RAB11FIP2: variants seen among roughly 807,000 people sequenced by gnomAD.
RAB11FIP2 encodes RAB11 family interacting protein 2.
A neutral mutation model predicts 40.9 loss-of-function variants in RAB11FIP2; 16 were observed. That is an observed-to-expected ratio of 0.39 (90% CI 0.26 to 0.59). The LOEUF (loss-of-function observed/expected upper bound fraction) is 0.59. Ranked by LOEUF, RAB11FIP2 falls within the 20% of genes least tolerant of loss-of-function variation. The pLI is 0.53. For synonymous variants in RAB11FIP2, 228 were observed against 213.7 expected, an observed-to-expected ratio of 1.07 and a Z score of -0.58; for missense variants, 532 against 606.2, an observed-to-expected ratio of 0.88 and a Z score of 1.28.
intron 3 of RAB11FIP2, among the ~76,000 whole-genome samples, chr10:118,020,513 T>C (rs542281645): frequency 1.2e-3 from 178 of 152,290 alleles, no homozygotes; most frequent in Non-Finnish European, 1.9e-3. Context: ...ACTGGCTTAT[T>C]ATGTTCTGCC....
chr10:118,027,506 T>C (rs1434091179), intron 3 of RAB11FIP2, among the ~76,000 whole-genome samples: 1 of 152,220 alleles, frequency 6.6e-6, no homozygotes, highest in Non-Finnish European at 1.5e-5. Context: ...AAATGCATTG[T>C]ATACTTCTAG....
At position 118,045,870 on chromosome 10, in the gene RAB11FIP2, T is replaced by A; in HGVS notation, c.294A>T (p.Leu98Phe). Reference protein sequence around the residue: ...HRSLVGLDKFLGQVAINLNDI... With the variant: ...HRSLVGLDKFFGQVAINLNDI... ...CATTGAGATTGATTGCCACCTGCCC[T>A]AAAAATTTATCCAGACCCACCAGGG... is the stretch of plus-strand genomic sequence containing the variant. The change falls in exon 1 of 5, where the codon TTA (leucine) becomes TTT (phenylalanine). Residue 98 changes from leucine (L) to phenylalanine (F), a missense_variant. By Grantham distance (22) the Leu-to-Phe change is conservative (BLOSUM62 0). Coordinates refer to ENST00000355624, the MANE Select transcript of RAB11FIP2 (RefSeq NM_014904.3). 6.2e-7 allele frequency: 1 copy of A among 1,614,054 alleles called. No homozygotes were observed. The highest frequency in any genetic ancestry group is 8.5e-7 in the Non-Finnish European group (1 of 1,179,964).
chr10:118,040,938 A>G (rs1846550784), intron 1 of RAB11FIP2, among the ~76,000 whole-genome samples: 2 of 152,108 alleles, frequency 1.3e-5, no homozygotes, highest in Non-Finnish European at 2.9e-5. Flanking sequence ...TTAACATTAA[A>G]AGACATTGAG....
chr10:118,026,680 T>C (rs1025956911), intron 3 of RAB11FIP2, among the ~76,000 whole-genome samples: 1 of 152,228 alleles, frequency 6.6e-6, no homozygotes, highest in Non-Finnish European at 1.5e-5. Context: ...ATTGTCACCA[T>C]GCCTTAATGG....
Position 118,046,248 on chromosome 10 carries a change from C to T in RAB11FIP2, c.-85G>A. The stretch of plus-strand genomic sequence containing the variant: ...GAGCCTAATTCCTTAATCACTGCAT[C>T]CTAAGGACACTTAACGGAAACAGGC... On this transcript the variant is annotated 5_prime_UTR_variant, in exon 1 of 5. Transcript: ENST00000355624. The T allele has an allele frequency of 8.9e-7, 1 of 1,128,610 alleles. No homozygotes were observed. Among genetic ancestry groups the T allele is most frequent in the Non-Finnish European group, 1.3e-6 (1 of 773,706 alleles). The allele number at this position is 1,128,610 out of a possible 1,614,324, so 69.9% of individuals were successfully genotyped here.
At chr10:118,027,301 C>T (rs180913742) in intron 3 of RAB11FIP2, among the ~76,000 whole-genome samples, 5 of 152,302 alleles carry the variant, frequency 3.3e-5, no homozygotes, top group Admixed American at 2.6e-4. Context: ...ACTCTTAATA[C>T]TTATCCTATA....
chr10:118,033,650 G>T (rs1846445720), intron 3 of RAB11FIP2, among the ~76,000 whole-genome samples: 3 of 152,080 alleles, frequency 2.0e-5, no homozygotes, highest in Non-Finnish European at 2.9e-5. Flanking sequence ...AGAACAGGTT[G>T]GTGAGGAACA....
chr10:118,009,840 A>C (rs893818831), intron 4 of RAB11FIP2, among the ~76,000 whole-genome samples: 1 of 152,038 alleles, frequency 6.6e-6, no homozygotes, highest in Non-Finnish European at 1.5e-5. Context: ...TAACTGGTCT[A>C]TTTCTTTCTC....
At chr10:118,024,803 C>T (rs1181233465) in intron 3 of RAB11FIP2, among the ~76,000 whole-genome samples, 4 of 152,076 alleles carry the variant, frequency 2.6e-5, no homozygotes, top group Non-Finnish European at 5.9e-5. Context: ...CTGTGTGGGC[C>T]TATGACAAAG....
intron 3 of RAB11FIP2, among the ~76,000 whole-genome samples, chr10:118,036,162 G>C (rs1001127533): frequency 6.6e-6 from 1 of 152,038 alleles, no homozygotes; most frequent in Non-Finnish European, 1.5e-5. Flanking sequence ...TTCAACCAGA[G>C]GGTAACAATA....
chr10:118,015,982 G>A (rs1846214980), intron 3 of RAB11FIP2, among the ~76,000 whole-genome samples: 1 of 152,218 alleles, frequency 6.6e-6, no homozygotes, highest in African/African-American at 2.4e-5. Flanking sequence ...TCCCTTGCCA[G>A]TAAAATAACT....
intron 3 of RAB11FIP2, among the ~76,000 whole-genome samples, chr10:118,033,265 C>T (rs1487309337): frequency 2.0e-5 from 3 of 151,906 alleles, no homozygotes; most frequent in Non-Finnish European, 4.4e-5. Context: ...GGCCTACTCA[C>T]TAAAGATTCT....
At chr10:118,033,219 A>G (rs1056655143) in intron 3 of RAB11FIP2, among the ~76,000 whole-genome samples, 1 of 152,052 alleles carries the variant, frequency 6.6e-6, no homozygotes, top group Non-Finnish European at 1.5e-5. Flanking sequence ...CCCGATAGTC[A>G]ATGGGAAGTT....
At chr10:118,035,394 CAAT>C (rs1846468213) in intron 3 of RAB11FIP2, among the ~76,000 whole-genome samples, 1 of 152,056 alleles carries the variant, frequency 6.6e-6, no homozygotes, top group African/African-American at 2.4e-5. Flanking sequence ...AGATTTTTAA[CAAT>C]GTTTAGTTGT....
At chr10:118,025,506 C>T (rs1589642778) in intron 3 of RAB11FIP2, among the ~76,000 whole-genome samples, 1 of 152,168 alleles carries the variant, frequency 6.6e-6, no homozygotes, top group East Asian at 1.9e-4. Flanking sequence ...TTTCTGAGTT[C>T]ATGTGCACCT....
chr10:118,028,246 C>G (rs1846369358), intron 3 of RAB11FIP2, among the ~76,000 whole-genome samples: 3 of 151,610 alleles, frequency 2.0e-5, no homozygotes, highest in Admixed American at 2.0e-4. Flanking sequence ...TCCAAGATTT[C>G]TAAGCTTAAA....
In RAB11FIP2 at chr10:118,026,476, C is replaced by T. The variant is rs573452438; in HGVS notation, c.1266-11366G>A. Among the ~76,000 whole-genome samples the T allele has an allele frequency of 3.6e-4, 55 of 152,236 alleles. No homozygotes were observed. In the South Asian group the frequency reaches 6.0e-3, roughly 17 times the overall value. The stretch of plus-strand genomic sequence containing the variant: ...CTGCTCTGACACAGAAATAAAAGAG[C>T]CAACCTCCGAATCTTGGTTGGAAGA... On this transcript the variant is annotated intron_variant, in intron 3 of 4. Coordinates refer to ENST00000355624, the MANE Select transcript of RAB11FIP2 (RefSeq NM_014904.3).
chr10:118,018,365 C>A (rs1048503873), intron 3 of RAB11FIP2: 1 of 152,168 alleles, frequency 6.6e-6, no homozygotes, highest in Non-Finnish European at 1.5e-5. Flanking sequence ...GACAAGATAT[C>A]GAATAATCCG....
intron 1 of RAB11FIP2, 83 bp downstream of exon 1, chr10:118,045,728 A>G: frequency 3.4e-6 from 4 of 1,159,760 alleles, no homozygotes; most frequent in Non-Finnish European, 4.8e-6. Context: ...CAACGCCCGA[A>G]GTATACGGAT....
Sources: allele counts gnomAD v4.1 joint callset (sites outside exome capture counted in the v4.1 genomes callset), GRCh38; gene constraint gnomAD v4.1.1; transcripts MANE v1.5; gene names NCBI Gene and HGNC (gene_info 2026-07-23, HGNC 2026-07-21).